The following JAKMIP2 variants were observed in gnomAD, a reference collection of about 807,000 sequenced individuals.
JAKMIP2 encodes janus kinase and microtubule-interacting protein 2.
In JAKMIP2, 25 loss-of-function variants were observed where a neutral mutation model predicts 115.0. The ratio of observed to expected loss-of-function variants is 0.22; its 90% CI spans 0.16 to 0.30. The LOEUF (loss-of-function observed/expected upper bound fraction) is 0.30. Among genes scored for constraint, JAKMIP2 ranks in the 10% least tolerant of loss-of-function variants. The pLI is 1.00. For missense variants in JAKMIP2, 642 were observed against 957.6 expected (o/e 0.67, Z 4.35); for synonymous variants, 334 against 343.6 (o/e 0.97, Z 0.31).
intron 3 of JAKMIP2, among the ~76,000 whole-genome samples, chr5:147,657,448 T>A (rs1434863848): frequency 1.3e-5 from 2 of 152,210 alleles, no homozygotes; most frequent in East Asian, 3.9e-4. Flanking sequence ...TTTCTTTCAT[T>A]TTGACCTTGG....
chr5:147,618,761 A>G (rs1756709876), intron 18 of JAKMIP2, among the ~76,000 whole-genome samples: 1 of 152,096 alleles, frequency 6.6e-6, no homozygotes. Flanking sequence ...CAAAAAACAA[A>G]CAAACAAAAA....
intron 16 of JAKMIP2, among the ~76,000 whole-genome samples, chr5:147,628,102 G>A (rs577216437): frequency 6.6e-6 from 1 of 151,654 alleles, no homozygotes; most frequent in South Asian, 2.1e-4. Context: ...GTACACTATA[G>A]CCCCAAATTC....
chr5:147,695,864 G>T (rs1234166037), intron 1 of JAKMIP2, among the ~76,000 whole-genome samples: 1 of 151,782 alleles, frequency 6.6e-6, no homozygotes, highest in Non-Finnish European at 1.5e-5. Flanking sequence ...TTTTTTTCTG[G>T]CAAAATTACA....
chr5:147,768,350 A>G (rs1178025031), intron 1 of JAKMIP2, among the ~76,000 whole-genome samples: 2 of 152,194 alleles, frequency 1.3e-5, no homozygotes, highest in Non-Finnish European at 2.9e-5. Flanking sequence ...CGCCTAACTT[A>G]GAAGAACCCA....
intron 1 of JAKMIP2, among the ~76,000 whole-genome samples, chr5:147,719,053 G>C (rs1472350429): frequency 7.2e-6 from 1 of 138,012 alleles, no homozygotes; most frequent in Admixed American, 7.4e-5. Context: ...TTGTGTCTTT[G>C]TTCTCATTGG....
intron 2 of JAKMIP2, among the ~76,000 whole-genome samples, chr5:147,667,367 A>G (rs1163132097): frequency 6.6e-6 from 1 of 152,204 alleles, no homozygotes; most frequent in Admixed American, 6.5e-5. Context: ...GTATTTTTCT[A>G]TTCTGTCCTA....
chr5:147,596,326 TGGA>T (rs1329054501), intron 21 of JAKMIP2, among the ~76,000 whole-genome samples: 1 of 152,160 alleles, frequency 6.6e-6, no homozygotes, highest in African/African-American at 2.4e-5. Flanking sequence ...AACTGCTGTG[TGGA>T]GAATGAGTTA....
Position 147,671,827 on chromosome 5 carries a change from C to T in JAKMIP2, c.-21G>A. The stretch of plus-strand genomic sequence containing the variant: ...GACATTGTTCCTTTCTAAATGGAGT[C>T]TGTTGGTTTTTAATTTCTTTCAAGC... On this transcript the variant is annotated 5_prime_UTR_variant, in exon 2 of 22. Coordinates refer to ENST00000616793, the MANE Select transcript of JAKMIP2 (RefSeq NM_001270941.2). 1 of 1,531,534 alleles carries T rather than the reference C, an allele frequency of 6.5e-7. No individual in the cohort carries two copies. Among genetic ancestry groups the T allele is most frequent in the Non-Finnish European group, 8.8e-7 (1 of 1,137,490 alleles). The allele number at this position is 1,531,534 out of a possible 1,614,324, so 94.9% of individuals were successfully genotyped here. A position where few individuals can be genotyped will look rare whatever the true frequency, so the allele number is the denominator to read the frequency against.
chr5:147,683,897 A>T (rs554446216), intron 1 of JAKMIP2, among the ~76,000 whole-genome samples: 1 of 152,348 alleles, frequency 6.6e-6, no homozygotes, highest in Non-Finnish European at 1.5e-5. Context: ...TAGTTCTATT[A>T]TAAAGAATTG....
At chr5:147,770,648 T>G (rs1755318509) in intron 1 of JAKMIP2, among the ~76,000 whole-genome samples, 2 of 152,242 alleles carry the variant, frequency 1.3e-5, no homozygotes, top group South Asian at 4.1e-4. Flanking sequence ...ATTTTGCAGT[T>G]GGGGATTTAT....
rs751523180 is a variant in JAKMIP2 at position 147,644,044 on chromosome 5, T to C, written c.1224+14A>G. The C allele has an allele frequency of 4.6e-6, 7 of 1,527,746 alleles. No homozygotes were observed. Among genetic ancestry groups the C allele is most frequent in the South Asian group, 4.0e-5 (3 of 74,516 alleles). 94.6% of individuals were successfully genotyped at this position (1,527,746 alleles called of 1,614,324 possible). ...TGGGAACAACTTAGGGTTTACAGAT[T>C]GATTGACACGTACCCTTGTGAGCTC... On this transcript the variant is annotated intron_variant, in intron 7 of 21. Transcript: ENST00000616793.
chr5:147,703,548 A>G (rs1326139453), intron 1 of JAKMIP2, among the ~76,000 whole-genome samples: 2 of 151,882 alleles, frequency 1.3e-5, no homozygotes, highest in Non-Finnish European at 2.9e-5. Context: ...ATTTACATAA[A>G]AGTTTTATTT....
intron 1 of JAKMIP2, among the ~76,000 whole-genome samples, chr5:147,766,726 T>C (rs1461276837): frequency 6.6e-6 from 1 of 152,176 alleles, no homozygotes; most frequent in African/African-American, 2.4e-5. Flanking sequence ...ATTTGATTTT[T>C]CCTTCTAAGG....
intron 3 of JAKMIP2, among the ~76,000 whole-genome samples, chr5:147,651,536 A>T (rs1386097215): frequency 1.3e-5 from 2 of 152,046 alleles, no homozygotes; most frequent in Non-Finnish European, 2.9e-5. Context: ...TACAAACAAC[A>T]TTACGCTGTT....
rs73271945 is a variant in JAKMIP2, at chr5:147,714,438, C to T, written c.-148-42484G>A. 3.8e-3 allele frequency among the ~76,000 whole-genome samples: 572 copies of T among 152,004 alleles called. 4 individuals are homozygous for T. The highest frequency in any genetic ancestry group is 0.013 in the African/African-American group (537 of 41,478). On this transcript the variant is annotated intron_variant, in intron 1 of 21. Transcript: ENST00000616793. Reference sequence around the variant, plus strand: ...TCGAAAGCATGGAGAGACCAAAAGACGGAAATGATGCAAGAAACAAAAGAA... The same window carrying T: ...TCGAAAGCATGGAGAGACCAAAAGATGGAAATGATGCAAGAAACAAAAGAA...
At chr5:147,709,651 C>G (rs1296437866) in intron 1 of JAKMIP2, among the ~76,000 whole-genome samples, 3 of 152,040 alleles carry the variant, frequency 2.0e-5, no homozygotes, top group Non-Finnish European at 4.4e-5. Flanking sequence ...GAGTTCAAGA[C>G]CAGCTTGGCC....
chr5:147,762,435 T>A (rs1177187478), intron 1 of JAKMIP2, among the ~76,000 whole-genome samples: 4 of 152,160 alleles, frequency 2.6e-5, no homozygotes, highest in Non-Finnish European at 5.9e-5. Context: ...CATAAATTTA[T>A]CTTCTCACAG....
intron 2 of JAKMIP2, among the ~76,000 whole-genome samples, chr5:147,664,765 C>T (rs950827965): frequency 2.6e-5 from 4 of 152,090 alleles, no homozygotes; most frequent in Non-Finnish European, 5.9e-5. Flanking sequence ...TAGAAAGTTG[C>T]CAATGAGCCA....
intron 1 of JAKMIP2, among the ~76,000 whole-genome samples, chr5:147,721,809 C>A (rs778679122): frequency 6.6e-6 from 1 of 152,146 alleles, no homozygotes; most frequent in Non-Finnish European, 1.5e-5. Flanking sequence ...TCACCGTCTT[C>A]TGCGTCGCTC....
Sources: allele counts gnomAD v4.1 joint callset (sites outside exome capture counted in the v4.1 genomes callset), GRCh38; gene constraint gnomAD v4.1.1; transcripts MANE v1.5; gene names NCBI Gene and HGNC (gene_info 2026-07-23, HGNC 2026-07-21).